Variants in FADS6 observed in about 807,000 individuals in gnomAD.
The protein encoded by FADS6 is fatty acid desaturase domain family, member 6.
Under a neutral mutation model 31.7 loss-of-function variants are expected in FADS6, and 28 were observed. The ratio of observed to expected loss-of-function variants is 0.88; its 90% CI spans 0.66 to 1.21. The LOEUF (loss-of-function observed/expected upper bound fraction) is 1.21. Among genes scored for constraint, FADS6 ranks in the 50% most tolerant of loss-of-function variants. The pLI is 0.00. For synonymous variants in FADS6, 191 were observed against 213.1 expected, an observed-to-expected ratio of 0.90 and a Z score of 0.90; for missense variants, 494 against 504.2, an observed-to-expected ratio of 0.98 and a Z score of 0.19.
At chr17:74,887,850 T>A (rs2038639810) in intron 2 of FADS6, among the ~76,000 whole-genome samples, 1 of 152,062 alleles carries the variant, frequency 6.6e-6, no homozygotes, top group African/African-American at 2.4e-5. Context: ...CACGCCCGGC[T>A]ACCTTTTTTC....
chr17:74,893,300 C>A (rs2038712330), intron 1 of FADS6, 52 bp downstream of exon 1: 3 of 1,471,254 alleles, frequency 2.0e-6, no homozygotes, highest in Non-Finnish European at 2.7e-6. Context: ...CTCCGCCGCA[C>A]CCCGCCCCCA....
rs1015997688 is a variant in FADS6 at position 74,877,569 on chromosome 17, G to A, written c.*762C>T. Reference sequence around the variant, plus strand: ...AGGGTGGTCTCGAGCTCCTGATCTCGCGATCCACCCGCCTTGGCCTCCCAA... The same window carrying A: ...AGGGTGGTCTCGAGCTCCTGATCTCACGATCCACCCGCCTTGGCCTCCCAA... On this transcript the variant is annotated 3_prime_UTR_variant, in exon 6 of 6. Transcript: ENST00000612771. The A allele has an allele frequency of 1.7e-5, 8 of 472,668 alleles. No homozygotes were observed. Among genetic ancestry groups the A allele is most frequent in the Non-Finnish European group, 2.2e-5 (8 of 361,958 alleles). The allele number at this position is 472,668 out of a possible 1,614,324, so 29.3% of individuals were successfully genotyped here.
intron 2 of FADS6, among the ~76,000 whole-genome samples, chr17:74,890,194 G>A (rs1014617270): frequency 1.3e-5 from 2 of 152,230 alleles, no homozygotes; most frequent in Non-Finnish European, 2.9e-5. Flanking sequence ...CTGACTTCAA[G>A]TGATCCTTCC....
chr17:74,881,070 G>A lies in FADS6; in HGVS notation c.778C>T (p.Gln260Ter). The change falls in exon 4 of 6, where the codon CAG becomes TAG. Residue 260 changes from glutamine (Q) to a stop codon, truncating the protein, a stop_gained and splice_region_variant. Coordinates refer to ENST00000612771, the MANE Select transcript of FADS6 (RefSeq NM_178128.6). LOFTEE classifies it high-confidence loss of function. The part of the protein sequence containing the change: ...AHPYLHVNIF[Q>*]HIGLPMFSRD... ...GCCCCAGGTTGGGGTGGCCTCACCT[G>A]GAAGATGTTGACGTGGAGGTAGGGG... The A allele has an allele frequency of 1.2e-6, 2 of 1,612,240 alleles. No individual in the cohort carries two copies. The highest frequency in any genetic ancestry group is 1.7e-4 in the Middle Eastern group (1 of 5,998).
chr17:74,881,250 GC>G lies in FADS6; in HGVS notation c.597del (p.Leu200Ter), dbSNP rs1355614789. 3.1e-6 allele frequency: 5 copies of G among 1,593,824 alleles called. No individual in the cohort carries two copies. Among genetic ancestry groups the G allele is most frequent in the Admixed American group, 3.6e-5 (2 of 55,898 alleles). ...PIATPLVAVE[R>X]LRKVELGTAL... ...GCTGTCCCGAGCTCCACCTTCCTCA[GC>G]CGCTCTGCCATAGAGGGAGGGGACA... On this transcript the variant is annotated frameshift_variant, in exon 4 of 6. Coordinates refer to ENST00000612771, the MANE Select transcript of FADS6 (RefSeq NM_178128.6). LOFTEE classifies it high-confidence loss of function.
chr17:74,880,322 T>C (rs1275120047), intron 4 of FADS6, among the ~76,000 whole-genome samples: 1 of 152,118 alleles, frequency 6.6e-6, no homozygotes, highest in Non-Finnish European at 1.5e-5. Flanking sequence ...GCATGCTGAC[T>C]ATGTTGAGGA....
At chr17:74,884,055 C>T (rs2038599888) in intron 2 of FADS6, among the ~76,000 whole-genome samples, 1 of 152,166 alleles carries the variant, frequency 6.6e-6, no homozygotes, top group African/African-American at 2.4e-5. Context: ...CTGTGGGGTT[C>T]CCAGGGCCTT....
At chr17:74,875,312 C>T (rs1209323827), downstream of FADS6, among the ~76,000 whole-genome samples, 3 of 152,174 alleles carry the variant, frequency 2.0e-5, no homozygotes, top group East Asian at 5.8e-4. Flanking sequence ...GCTAGATAAA[C>T]ATTAGCTATT....
At position 74,882,685 on chromosome 17, in the gene FADS6, T is replaced by G; in HGVS notation, c.437A>C (p.His146Pro). 2 of 1,610,790 alleles carry G rather than the reference T, an allele frequency of 1.2e-6. No homozygotes were observed. Among genetic ancestry groups the G allele is most frequent in the Non-Finnish European group, 1.7e-6 (2 of 1,178,924 alleles). Residue 146 changes from histidine (H) to proline (P), a missense_variant, in exon 3 of 6, where the codon CAC becomes CCC. By Grantham distance (77) the His-to-Pro change is moderately conservative (BLOSUM62 -2). Around this residue, in one of 2 missense-constraint regions of FADS6, gnomAD observed 454 missense variants for 438.5 expected, o/e 1.04. Coordinates refer to ENST00000612771, the MANE Select transcript of FADS6 (RefSeq NM_178128.6). ...VEVCTAFTAE[H>P]ATHGHVKMHH... ...CATCTTGACGTGCCCATGCGTGGCGTGCTCTGCAGTGAAGGCTGTGCACAC... is the reference window on the plus strand; with the variant it reads ...CATCTTGACGTGCCCATGCGTGGCGGGCTCTGCAGTGAAGGCTGTGCACAC...
chr17:74,889,535 TA>T (rs1483744562), intron 2 of FADS6, among the ~76,000 whole-genome samples: 2 of 133,788 alleles, frequency 1.5e-5, no homozygotes, highest in African/African-American at 5.7e-5. Context: ...AACTTGCAGT[TA>T]AAAAAACAAC....
chr17:74,878,895 AGTAAGAAACCTGG>A (rs2038535568), intron 5 of FADS6: 1 of 198,652 alleles, frequency 5.0e-6, no homozygotes, highest in African/African-American at 2.4e-5. Flanking sequence ...TCGCCCTGCT[AGTAAGAAACCTGG>A]GTATCTCTGA....
chr17:74,879,055 T>TG, intron 5 of FADS6: 1 of 178,542 alleles, frequency 5.6e-6, no homozygotes. Context: ...TTTTTTTTTT[T>TG]TTGAGACAGG....
intron 2 of FADS6, among the ~76,000 whole-genome samples, chr17:74,890,652 G>C (rs1036656427): frequency 6.6e-6 from 1 of 152,146 alleles, no homozygotes; most frequent in African/African-American, 2.4e-5. Context: ...GTCTGTGCCA[G>C]GAGCTGAAGA....
downstream of FADS6, among the ~76,000 whole-genome samples, chr17:74,875,844 C>G (rs1427905384): frequency 2.0e-5 from 3 of 152,230 alleles, no homozygotes; most frequent in Non-Finnish European, 2.9e-5. Flanking sequence ...CAAAACTCCA[C>G]TCTATCAGTC....
At position 74,888,172 on chromosome 17, in the gene FADS6, G is replaced by GCA. The variant is rs1555625298; in HGVS notation, c.411+4349_411+4350dup. On this transcript the variant is annotated intron_variant, in intron 2 of 5. Transcript: ENST00000612771. ...CACACACACGCGCGCGCGCGCGCGC[G>GCA]CAGAGTACCAATGTCCGTTTCCTTG... Among the ~76,000 whole-genome samples the GCA allele has an allele frequency of 4.2e-4, 62 of 146,806 alleles. 1 individual carries two copies. The highest frequency in any genetic ancestry group is 1.4e-3 in the African/African-American group (55 of 38,264).
At chr17:74,876,442 C>T (rs182012165), downstream of FADS6, among the ~76,000 whole-genome samples, 257 of 152,178 alleles carry the variant, frequency 1.7e-3, no homozygotes, top group African/African-American at 5.9e-3. Context: ...AAGCCAGTGA[C>T]GCTGCTAAAC....
intron 2 of FADS6, among the ~76,000 whole-genome samples, chr17:74,888,785 T>C (rs1330431161): frequency 6.6e-6 from 1 of 152,128 alleles, no homozygotes; most frequent in Non-Finnish European, 1.5e-5. Context: ...GGAGAGTCCT[T>C]TCAGGAGTTA....
chr17:74,877,877 T>C lies in FADS6; in HGVS notation c.*454A>G. 1.0e-6 allele frequency: 1 copy of C among 987,748 alleles called. No individual in the cohort carries two copies. Among genetic ancestry groups the C allele is most frequent in the Non-Finnish European group, 1.2e-6 (1 of 831,630 alleles). 61.2% of individuals were successfully genotyped at this position (987,748 alleles called of 1,614,324 possible). ...GGTGGGCAGAGCCTGAAGGAAGCAA[T>C]AGCCAAGGCCGTGTGGGGCTCTCCC... On this transcript the variant is annotated 3_prime_UTR_variant, in exon 6 of 6. Transcript: ENST00000612771.
downstream of FADS6, among the ~76,000 whole-genome samples, chr17:74,876,477 CCAA>C (rs2144699160): frequency 6.6e-6 from 1 of 152,212 alleles, no homozygotes; most frequent in Admixed American, 6.5e-5. Context: ...AGGACAGCCC[CCAA>C]CAACACAGAA....
Sources: allele counts gnomAD v4.1 joint callset (sites outside exome capture counted in the v4.1 genomes callset), GRCh38; gene constraint gnomAD v4.1.1; regional missense constraint gnomAD v4.1.1; transcripts MANE v1.5; gene names NCBI Gene and HGNC (gene_info 2026-07-23, HGNC 2026-07-21).